PHACTR4: variants seen among roughly 807,000 people sequenced by gnomAD.
PHACTR4 encodes protein phosphatase 1, regulatory subunit 124.
Under a neutral mutation model 72.7 loss-of-function variants are expected in PHACTR4, and 51 were observed. The ratio of observed to expected loss-of-function variants is 0.70; its 90% CI spans 0.56 to 0.89. The LOEUF (loss-of-function observed/expected upper bound fraction) is 0.89, where lower values mean the gene tolerates loss of function less well. Ranked by LOEUF, PHACTR4 falls within the 40% of genes least tolerant of loss-of-function variation. The probability of loss-of-function intolerance (pLI) is 0.00; values close to 1 mark genes in which losing one functional copy is unlikely to be tolerated. For synonymous variants in PHACTR4, 255 were observed against 302.5 expected (o/e 0.84, Z 1.63); for missense variants, 731 against 861.8 (o/e 0.85, Z 1.90).
At chr1:28,447,722 C>T (rs560154353) in intron 2 of PHACTR4, among the ~76,000 whole-genome samples, 5 of 152,232 alleles carry the variant, frequency 3.3e-5, no homozygotes, top group Admixed American at 6.5e-5. Context: ...AGCAACTTCA[C>T]TTCTTGATAC....
chr1:28,474,240 C>T, intron 7 of PHACTR4, 89 bp downstream of exon 7: 1 of 1,279,614 alleles, frequency 7.8e-7, no homozygotes, highest in South Asian at 1.4e-5. Context: ...AAAATGTGGG[C>T]CGGGCCTAGT....
At chr1:28,463,245 T>TGA (rs1658934799) in intron 4 of PHACTR4, among the ~76,000 whole-genome samples, 2 of 152,248 alleles carry the variant, frequency 1.3e-5, no homozygotes, top group East Asian at 3.9e-4. Flanking sequence ...AGTGCTAACT[T>TGA]GACTGTACTG....
chr1:28,418,530 C>T, intron 2 of PHACTR4, among the ~76,000 whole-genome samples: 1 of 151,966 alleles, frequency 6.6e-6, no homozygotes, highest in South Asian at 2.1e-4. Context: ...TTGTTCTATT[C>T]CACTTAATAC....
intron 1 of PHACTR4, among the ~76,000 whole-genome samples, chr1:28,401,005 T>C (rs1653905959): frequency 6.6e-6 from 1 of 152,202 alleles, no homozygotes; most frequent in Non-Finnish European, 1.5e-5. Context: ...TTCTGGTTTT[T>C]TCATCCTGAT....
chr1:28,439,691 A>G (rs1480937302), intron 2 of PHACTR4, among the ~76,000 whole-genome samples: 1 of 152,246 alleles, frequency 6.6e-6, no homozygotes, highest in Non-Finnish European at 1.5e-5. Context: ...GAAATTTAGA[A>G]CATAAAGATA....
At chr1:28,445,529 AT>A (rs1657401890) in intron 2 of PHACTR4, among the ~76,000 whole-genome samples, 1 of 151,626 alleles carries the variant, frequency 6.6e-6, no homozygotes, top group South Asian at 2.1e-4. Flanking sequence ...TAATTCACTA[AT>A]TAACTTTTCC....
intron 2 of PHACTR4, among the ~76,000 whole-genome samples, chr1:28,431,387 G>A (rs943822930): frequency 1.3e-5 from 2 of 148,810 alleles, no homozygotes; most frequent in African/African-American, 4.9e-5. Context: ...TAAAGACAGG[G>A]TTTCACCATG....
chr1:28,474,152 G>GT lies in PHACTR4; in HGVS notation c.1421+2dup. The GT allele has an allele frequency of 6.2e-7, 1 of 1,601,810 alleles. No homozygotes were observed. Among genetic ancestry groups the GT allele is most frequent in the East Asian group, 2.2e-5 (1 of 44,790 alleles). ...CCATCACTATTGAAATGCTAAAAGTGTAAGTGCCTTTAAAGCTTGCCTCTT... is the reference window on the plus strand; with the variant it reads ...CCATCACTATTGAAATGCTAAAAGTGTTAAGTGCCTTTAAAGCTTGCCTCTT... On this transcript the variant is annotated splice_donor_variant, in intron 7 of 13. Transcript: ENST00000373839. LOFTEE classifies it high-confidence loss of function.
chr1:28,400,107 T>C (rs1204509705), intron 1 of PHACTR4, among the ~76,000 whole-genome samples: 1 of 152,212 alleles, frequency 6.6e-6, no homozygotes, highest in Non-Finnish European at 1.5e-5. Context: ...GCACAATGGC[T>C]CATGCCTGTA....
chr1:28,405,762 G>T (rs968213454), intron 1 of PHACTR4, among the ~76,000 whole-genome samples: 1 of 151,730 alleles, frequency 6.6e-6, no homozygotes, highest in African/African-American at 2.4e-5. Context: ...ATGGTGGCAG[G>T]TGCCTGTAAT....
intron 2 of PHACTR4, among the ~76,000 whole-genome samples, chr1:28,450,130 C>A (rs1055477286): frequency 1.3e-5 from 2 of 152,052 alleles, no homozygotes; most frequent in African/African-American, 4.8e-5. Flanking sequence ...GCCTCCACCC[C>A]CTCCAAAAAA....
At chr1:28,419,453 CATAT>C (rs1047967999) in intron 2 of PHACTR4, among the ~76,000 whole-genome samples, 4 of 151,436 alleles carry the variant, frequency 2.6e-5, no homozygotes, top group Non-Finnish European at 4.4e-5. Context: ...GTGTAAAAAA[CATAT>C]ATAAAGTGAT....
intron 2 of PHACTR4, among the ~76,000 whole-genome samples, chr1:28,424,156 A>T (rs2124351463): frequency 6.6e-6 from 1 of 152,252 alleles, no homozygotes; most frequent in East Asian, 1.9e-4. Flanking sequence ...GGAACTAGAA[A>T]AGCAGAGCTA....
intron 1 of PHACTR4, among the ~76,000 whole-genome samples, chr1:28,392,040 A>G (rs1242529423): frequency 6.6e-6 from 1 of 152,174 alleles, no homozygotes. Flanking sequence ...CTTCACATAC[A>G]GTAGCGCTCC....
At chr1:28,382,538 C>T (rs1208072612) in intron 1 of PHACTR4, among the ~76,000 whole-genome samples, 1 of 151,468 alleles carries the variant, frequency 6.6e-6, no homozygotes, top group Non-Finnish European at 1.5e-5. Context: ...CTCCTGACCT[C>T]GTGATCCGCC....
intron 7 of PHACTR4, among the ~76,000 whole-genome samples, chr1:28,474,665 C>T (rs1659805609): frequency 6.6e-6 from 1 of 151,850 alleles, no homozygotes; most frequent in Admixed American, 6.6e-5. Flanking sequence ...GCCTCAGCCT[C>T]CCGAGTAGCT....
intron 2 of PHACTR4, chr1:28,453,833 C>G (rs896103393): frequency 3.4e-6 from 3 of 883,032 alleles, no homozygotes; most frequent in Non-Finnish European, 3.7e-6. Context: ...GCACAAAAGG[C>G]TTTTGAAGCT....
In PHACTR4 at chr1:28,497,606, T is replaced by C. The variant is rs1465308576; in HGVS notation, c.*1057T>C. ...CTATATACAAAAACAAGAAAGGCGTTTTGAGCCCCTGTGCTCAGGCCCACT... is the reference window on the plus strand; with the variant it reads ...CTATATACAAAAACAAGAAAGGCGTCTTGAGCCCCTGTGCTCAGGCCCACT... On this transcript the variant is annotated 3_prime_UTR_variant, in exon 14 of 14. Transcript: ENST00000373839. 1 of 151,560 alleles carries C rather than the reference T, an allele frequency of 6.6e-6. No homozygotes were observed. The highest frequency in any genetic ancestry group is 1.9e-4 in the East Asian group (1 of 5,178). The allele number at this position is 151,560 out of a possible 1,614,324, so 9.4% of individuals were successfully genotyped here.
At chr1:28,399,119 C>G (rs1447287743) in intron 1 of PHACTR4, among the ~76,000 whole-genome samples, 1 of 152,182 alleles carries the variant, frequency 6.6e-6, no homozygotes, top group East Asian at 1.9e-4. Flanking sequence ...CAAGACCAGC[C>G]TGGCCAACAT....
Sources: allele counts gnomAD v4.1 joint callset (sites outside exome capture counted in the v4.1 genomes callset), GRCh38; gene constraint gnomAD v4.1.1; transcripts MANE v1.5; gene names NCBI Gene and HGNC (gene_info 2026-07-23, HGNC 2026-07-21).